PFKFB1: variants seen among roughly 807,000 people sequenced by gnomAD.
PFKFB1 encodes the protein 6-phosphofructo-2-kinase/fructose-2,6-biphosphatase 1, also known as 6-phosphofructo-2-kinase/fructose-2,6-bisphosphatase 1.
PFKFB1 carries 34 observed loss-of-function variants against 46.4 expected under a neutral mutation model. The observed-to-expected ratio is 0.73, with a 90% confidence interval of 0.56 to 0.98. The LOEUF (loss-of-function observed/expected upper bound fraction) is 0.98, where lower values mean the gene tolerates loss of function less well. PFKFB1 is among the 50% of genes least tolerant of loss of function. PFKFB1 has a pLI of 0.00. For synonymous variants in PFKFB1, 119 were observed against 133.8 expected (o/e 0.89, Z 0.76); for missense variants, 393 against 376.3 (o/e 1.04, Z -0.37).
At chrX:54,961,661 A>T (rs1238077826) in intron 2 of PFKFB1, among the ~76,000 whole-genome samples, 3 of 111,670 alleles carry the variant, frequency 2.7e-5, no homozygotes, top group Non-Finnish European at 5.7e-5. Flanking sequence ...CCAACAGGTA[A>T]GACAGTGAGT....
Position 54,945,425 on chromosome X carries a change from C to T in PFKFB1, c.1098+14G>A, listed in dbSNP as rs374157076. On this transcript the variant is annotated intron_variant, in intron 10 of 13. Coordinates refer to ENST00000375006, the MANE Select transcript of PFKFB1 (RefSeq NM_002625.4). ...GGAGTAGTCCTAGGCATTAGGCCAC[C>T]CCGCAAACCTTACCTCTCCCTTGGG... The T allele has an allele frequency of 3.7e-5, 40 of 1,071,042 alleles. No individual in the cohort carries two copies. In the African/African-American group the frequency reaches 6.3e-4, roughly 17 times the overall value. The allele number at this position is 1,071,042 out of a possible 1,213,427, so 88.3% of individuals were successfully genotyped here. A position where few individuals can be genotyped will look rare whatever the true frequency, so the allele number is the denominator to read the frequency against.
At chrX:54,938,886 G>A (rs1933506577) in intron 10 of PFKFB1, among the ~76,000 whole-genome samples, 3 of 111,278 alleles carry the variant, frequency 2.7e-5, no homozygotes, top group South Asian at 3.8e-4. Flanking sequence ...TGCACCAAGC[G>A]GACCTAATAG....
chrX:54,935,074 C>T, intron 11 of PFKFB1, 65 bp from the exon 12 acceptor site: 2 of 890,575 alleles, frequency 2.2e-6, no homozygotes, highest in South Asian at 4.2e-5. Flanking sequence ...CTCCCCAGGC[C>T]CCCAGGCTTG....
At chrX:54,980,318 T>TACACACAC (rs35051444) in intron 1 of PFKFB1, among the ~76,000 whole-genome samples, 3 of 106,229 alleles carry the variant, frequency 2.8e-5, no homozygotes, top group African/African-American at 1.0e-4. Flanking sequence ...TGATTTAACA[T>TACACACAC]ACACACACAC....
At chrX:54,972,781 A>G (rs1224884932) in intron 1 of PFKFB1, among the ~76,000 whole-genome samples, 1 of 111,475 alleles carries the variant, frequency 9.0e-6, no homozygotes, top group Non-Finnish European at 1.9e-5. Flanking sequence ...TTCATCAAGG[A>G]TATTGATCTA....
At position 54,934,961 on chromosome X, in the gene PFKFB1, G is replaced by A; in HGVS notation, c.1277C>T (p.Thr426Ile). 8.3e-7 allele frequency: 1 copy of A among 1,205,263 alleles called. No individual in the cohort carries two copies. The highest frequency in any genetic ancestry group is 1.1e-6 in the Non-Finnish European group (1 of 889,774). The change falls in exon 12 of 14, where the codon ACT becomes ATT. Residue 426 changes from threonine to isoleucine, a missense_variant. Thr to Ile is a moderately conservative substitution (Grantham distance 89). Coordinates refer to ENST00000375006, the MANE Select transcript of PFKFB1 (RefSeq NM_002625.4). ...GGAGTACTTACCATAAGCCACAGGAGTGAGTTTGAGCACTGTGTGCAGAGG... is the reference window on the plus strand; with the variant it reads ...GGAGTACTTACCATAAGCCACAGGAATGAGTTTGAGCACTGTGTGCAGAGG... ...KCPLHTVLKL[T>I]PVAYGCKVES...
At chrX:54,958,984 C>T in intron 4 of PFKFB1, 59 bp from the exon 5 acceptor site, 1 of 732,242 alleles carries the variant, frequency 1.4e-6, no homozygotes, top group African/African-American at 2.1e-5. Flanking sequence ...AACACCTACT[C>T]TTTGCCCATC....
upstream of PFKFB1, chrX:54,994,298 T>C (rs1935322579): frequency 1.3e-6 from 1 of 751,710 alleles, no homozygotes; most frequent in African/African-American, 2.3e-5. Context: ...GCTGTGTACA[T>C]AGGAGGTAAG....
At chrX:54,937,817 G>A in intron 10 of PFKFB1, 93 bp from the exon 11 acceptor site, 2 of 830,101 alleles carry the variant, frequency 2.4e-6, no homozygotes, top group East Asian at 3.4e-5. Flanking sequence ...AGAACATTTG[G>A]TTCCAGTGCC....
chrX:54,934,522 C>T (rs753702434), intron 12 of PFKFB1, among the ~76,000 whole-genome samples: 1 of 111,836 alleles, frequency 8.9e-6, no homozygotes, highest in East Asian at 2.8e-4. Context: ...GTCATCTGCC[C>T]TGTTCGCACC....
intron 7 of PFKFB1, 38 bp from the exon 8 acceptor site, chrX:54,952,150 G>T (rs370162232): frequency 1.6e-4 from 172 of 1,075,169 alleles, no homozygotes; most frequent in Non-Finnish European, 2.2e-4. Context: ...GCAGCTCAGG[G>T]GCTAATGGTG....
chrX:54,958,919 CA>C lies in PFKFB1; in HGVS notation c.390del (p.Phe130LeufsTer13). On this transcript the variant is annotated frameshift_variant, in exon 5 of 14. Coordinates refer to ENST00000375006, the MANE Select transcript of PFKFB1 (RefSeq NM_002625.4). LOFTEE classifies it high-confidence loss of function. ...CGTTCTCTGGTAGTGTTGGTGGCATCAAAAACCTAGAGGCAGGTAATGAGAT... is the reference window on the plus strand; with the variant it reads ...CGTTCTCTGGTAGTGTTGGTGGCATCAAAACCTAGAGGCAGGTAATGAGAT... ...LSHEEGHVAVFDATNTTRERR... is the reference protein window; with the variant it reads ...LSHEEGHVAVXDATNTTRERR... 3.4e-6 allele frequency: 4 copies of C among 1,175,339 alleles called. No homozygotes were observed. Among genetic ancestry groups the C allele is most frequent in the African/African-American group, 1.8e-5 (1 of 56,947 alleles).
chrX:54,967,360 G>A (rs1466942309), intron 1 of PFKFB1, among the ~76,000 whole-genome samples: 1 of 111,877 alleles, frequency 8.9e-6, no homozygotes, highest in African/African-American at 3.2e-5. Context: ...AGCACTCAGT[G>A]AAGAAACAGA....
chrX:54,952,848 CATAA>C (rs1454591285), intron 7 of PFKFB1, among the ~76,000 whole-genome samples: 5 of 109,813 alleles, frequency 4.6e-5, no homozygotes, highest in Non-Finnish European at 9.5e-5. Context: ...ACATTCATTC[CATAA>C]ATAGTCACTC....
In PFKFB1 at chrX:54,933,479, G is replaced by A. The variant is rs775520863; in HGVS notation, c.1357-17C>T. ...GTCCACATTCTGAGGAGAGAGCGCAGGATTAATAGGAAGGAGACAGCAGTG... is the reference window on the plus strand; with the variant it reads ...GTCCACATTCTGAGGAGAGAGCGCAAGATTAATAGGAAGGAGACAGCAGTG... On this transcript the variant is annotated splice_polypyrimidine_tract_variant and intron_variant, in intron 13 of 13. Transcript: ENST00000375006. The A allele has an allele frequency of 1.0e-5, 12 of 1,175,557 alleles. No individual in the cohort carries two copies. In the African/African-American group the frequency reaches 1.6e-4, roughly 16 times the overall value.
intron 8 of PFKFB1, among the ~76,000 whole-genome samples, chrX:54,951,156 TAA>T (rs1933962880): frequency 8.8e-6 from 1 of 113,052 alleles, no homozygotes; most frequent in Admixed American, 9.3e-5. Context: ...CCTGTGCTAA[TAA>T]GCCCAGGCAC....
intron 1 of PFKFB1, among the ~76,000 whole-genome samples, chrX:54,976,038 T>A (rs1022258742): frequency 1.8e-5 from 2 of 111,612 alleles, no homozygotes; most frequent in African/African-American, 6.5e-5. Flanking sequence ...TGCCAATTAG[T>A]TTTTAGTTAC....
At chrX:54,975,027 C>T (rs1954017346) in intron 1 of PFKFB1, among the ~76,000 whole-genome samples, 1 of 111,335 alleles carries the variant, frequency 9.0e-6, no homozygotes, top group African/African-American at 3.3e-5. Context: ...AGTACAACCA[C>T]TGTGGAAAAC....
At chrX:54,994,879 C>T, upstream of PFKFB1, 1 of 752,563 alleles carries the variant, frequency 1.3e-6, no homozygotes, top group South Asian at 6.7e-5. Flanking sequence ...TTGCCTGGGG[C>T]TGGAGGTGGG....
Sources: allele counts gnomAD v4.1 joint callset (sites outside exome capture counted in the v4.1 genomes callset), GRCh38; gene constraint gnomAD v4.1.1; transcripts MANE v1.5; gene names NCBI Gene and HGNC (gene_info 2026-07-23, HGNC 2026-07-21).